TMPRSS2: variants seen among roughly 807,000 people sequenced by gnomAD.
TMPRSS2 encodes the protein transmembrane serine protease 2, also known as transmembrane protease serine 2.
A neutral mutation model predicts 67.4 loss-of-function variants in TMPRSS2; 59 were observed. That is an observed-to-expected ratio of 0.88 (90% confidence interval 0.71 to 1.09). The LOEUF is 1.09. Among genes scored for constraint, TMPRSS2 ranks in the 50% least tolerant of loss-of-function variants. TMPRSS2 has a pLI of 0.00. For missense variants in TMPRSS2, 668 were observed against 642.7 expected (o/e 1.04, Z -0.43); for synonymous variants, 257 against 257.0 (o/e 1.00, Z 0.00).
intron 3 of TMPRSS2, among the ~76,000 whole-genome samples, chr21:41,490,207 T>TAA (rs760337568): frequency 2.9e-5 from 4 of 135,742 alleles, no homozygotes; most frequent in Admixed American, 7.4e-5. Context: ...ATGATTAATG[T>TAA]AAAAAAAAAA....
rs372804318 is a variant in TMPRSS2 at position 41,494,402 on chromosome 21, G to C, written c.192C>G (p.Val64=). 1 of 1,611,150 alleles carries C rather than the reference G, an allele frequency of 6.2e-7. No homozygotes were observed. The highest frequency in any genetic ancestry group is 1.7e-4 in the Middle Eastern group (1 of 6,040). Residue 64 remains valine, a synonymous_variant, in exon 3 of 14, where the codon GTC becomes GTG. Transcript: ENST00000332149. ...PRVLTQASNP[V]VCTQPKSPSG... is the part of the protein sequence containing the mutation. ...ATGGGGATTTGGGCTGCGTGCAGAC[G>C]ACGGGGTTGGAAGCCTGCGTCAGGA...
intron 1 of TMPRSS2, among the ~76,000 whole-genome samples, chr21:41,505,357 T>A (rs1048764639): frequency 6.6e-6 from 1 of 152,158 alleles, no homozygotes; most frequent in African/African-American, 2.4e-5. Flanking sequence ...CAGATTCAGG[T>A]GGAAAAGGGT....
At position 41,467,831 on chromosome 21, in the gene TMPRSS2, C is replaced by A. The variant is rs1205064453; in HGVS notation, c.1370G>T (p.Gly457Val). ...ACAGCCAGAACCCCAGCTTGTATCC[C>A]CTATCAGCCACCAGATATTGTTCTT... ...TSKNNIWWLI[G>V]DTSWGSGCAK... is the part of the protein sequence containing the mutation. The change falls in exon 13 of 14, where the codon GGG (glycine) becomes GTG (valine). Residue 457 changes from glycine (G) to valine (V), a missense_variant. Gly to Val is a moderately radical substitution (Grantham distance 109, BLOSUM62 -3). Coordinates refer to ENST00000332149, the MANE Select transcript of TMPRSS2 (RefSeq NM_005656.4). 1 of 1,614,218 alleles carries A rather than the reference C, an allele frequency of 6.2e-7. No homozygotes were observed. The highest frequency in any genetic ancestry group is 1.7e-5 in the Admixed American group (1 of 60,028).
At chr21:41,480,714 C>G in intron 5 of TMPRSS2, 112 bp from the exon 6 acceptor site, 1 of 1,444,686 alleles carries the variant, frequency 6.9e-7, no homozygotes, top group East Asian at 2.5e-5. Flanking sequence ...TCTCCACTCA[C>G]TGCAGCCTCC....
rs1220981744 is a variant in TMPRSS2, at chr21:41,507,834, G to C, written c.-57+247C>G. The C allele has an allele frequency of 2.4e-5, 29 of 1,192,626 alleles. 2 individuals are homozygous for C. In the South Asian group the frequency reaches 4.4e-4, roughly 18 times the overall value. 73.9% of individuals were successfully genotyped at this position (1,192,626 alleles called of 1,614,324 possible). The stretch of plus-strand genomic sequence containing the variant: ...CAACCTCGCGATGCCAAGCCAACAG[G>C]GGCGGCGAGGGCTCTCGGCCGTGCG... On this transcript the variant is annotated intron_variant, in intron 1 of 13. Transcript: ENST00000332149.
rs1030051488 is a variant in TMPRSS2 at position 41,468,014 on chromosome 21, G to A, written c.1315-128C>T. On this transcript the variant is annotated intron_variant, in intron 12 of 13. Coordinates refer to ENST00000332149, the MANE Select transcript of TMPRSS2 (RefSeq NM_005656.4). ...AGTTACGAGTGACTGTGTGGGCTTC[G>A]AATCTCCACCATCAAGGGGTGATGG... 23 of 967,070 alleles carry A rather than the reference G, an allele frequency of 2.4e-5. 1 individual carries two copies. The highest frequency in any genetic ancestry group is 1.2e-4 in the South Asian group (8 of 64,352). The allele number at this position is 967,070 out of a possible 1,614,324, so 59.9% of individuals were successfully genotyped here.
intron 2 of TMPRSS2, among the ~76,000 whole-genome samples, chr21:41,497,505 C>T (rs1601588977): frequency 6.6e-6 from 1 of 152,294 alleles, no homozygotes; most frequent in African/African-American, 2.4e-5. Flanking sequence ...TGAAATTAAA[C>T]ACAGACCCAG....
At chr21:41,475,340 T>G (rs1352488254) in intron 8 of TMPRSS2, among the ~76,000 whole-genome samples, 3 of 1,920 alleles carry the variant, frequency 1.6e-3, no homozygotes, top group Non-Finnish European at 1.9e-3. Context: ...GAGGTGAAGG[T>G]GTGAGTGAGG....
At chr21:41,488,846 C>A (rs751953592) in intron 4 of TMPRSS2, among the ~76,000 whole-genome samples, 11 of 152,120 alleles carry the variant, frequency 7.2e-5, no homozygotes, top group Non-Finnish European at 1.5e-4. Context: ...ACATGTTGGC[C>A]AGGCTTGTGG....
chr21:41,470,927 C>A (rs465576), intron 10 of TMPRSS2, among the ~76,000 whole-genome samples, 184 bp from the exon 11 acceptor site: 139,527 of 152,196 alleles, frequency 0.92, 64,636 homozygotes, highest in Non-Finnish European at 0.99. Flanking sequence ...GCAGGCAAGA[C>A]GTTATGCTAC....
In TMPRSS2 at chr21:41,470,729, C is replaced by A. The variant is rs1430677365; in HGVS notation, c.1090G>T (p.Val364Leu). Reference protein sequence around the residue: ...PLTFNDLVKPVCLPNPGMMLQ... With the variant: ...PLTFNDLVKPLCLPNPGMMLQ... ...ATCATGCCTGGGTTGGGCAGACACA[C>A]TGGTTTCACTAGGTCTGTTTCAAGA... Residue 364 changes from valine (V) to leucine (L), a missense_variant, in exon 11 of 14, where the codon GTG (valine) becomes TTG (leucine). By Grantham distance (32) the Val-to-Leu change is conservative (BLOSUM62 1). Transcript: ENST00000332149. 1 of 1,613,326 alleles carries A rather than the reference C, an allele frequency of 6.2e-7. No homozygotes were observed. Among genetic ancestry groups the A allele is most frequent in the African/African-American group, 1.3e-5 (1 of 74,916 alleles).
intron 11 of TMPRSS2, among the ~76,000 whole-genome samples, chr21:41,469,388 A>G (rs1373310378): frequency 6.6e-6 from 1 of 151,554 alleles, no homozygotes; most frequent in Non-Finnish European, 1.5e-5. Flanking sequence ...GTCTCCATCC[A>G]TTCATCCCCA....
At chr21:41,483,936 C>A (rs1466752430) in intron 5 of TMPRSS2, among the ~76,000 whole-genome samples, 2 of 151,888 alleles carry the variant, frequency 1.3e-5, no homozygotes, top group Non-Finnish European at 2.9e-5. Flanking sequence ...CGAGACCAAC[C>A]CCATCTCCAC....
chr21:41,501,975 C>T (rs956957852), intron 1 of TMPRSS2, among the ~76,000 whole-genome samples: 2 of 152,222 alleles, frequency 1.3e-5, no homozygotes, highest in Non-Finnish European at 2.9e-5. Flanking sequence ...TGTGAAAGAG[C>T]AACAGTGGGT....
intron 5 of TMPRSS2, among the ~76,000 whole-genome samples, chr21:41,481,101 GA>G (rs1179181803): frequency 6.6e-6 from 1 of 152,208 alleles, no homozygotes; most frequent in Admixed American, 6.5e-5. Context: ...CAAGAGAATT[GA>G]AAACAGGCAT....
At chr21:41,476,787 A>T (rs2091217270) in intron 7 of TMPRSS2, among the ~76,000 whole-genome samples, 167 bp from the exon 8 acceptor site, 1 of 152,208 alleles carries the variant, frequency 6.6e-6, no homozygotes, top group East Asian at 1.9e-4. Context: ...ATATAGGGAC[A>T]GTGGCAAAGA....
intron 9 of TMPRSS2, 73 bp downstream of exon 9, chr21:41,473,252 A>G (rs2091150543): frequency 1.4e-6 from 2 of 1,471,288 alleles, no homozygotes; most frequent in South Asian, 2.6e-5. Flanking sequence ...AAGGGTTGAG[A>G]CCTGCTCAAG....
intron 5 of TMPRSS2, among the ~76,000 whole-genome samples, chr21:41,482,411 A>C (rs976502261): frequency 6.6e-6 from 1 of 152,200 alleles, no homozygotes; most frequent in Non-Finnish European, 1.5e-5. Flanking sequence ...GCGCTGTGGG[A>C]AAGAGAGCAA....
chr21:41,470,259 C>T (rs2091120241), intron 11 of TMPRSS2, among the ~76,000 whole-genome samples: 1 of 152,126 alleles, frequency 6.6e-6, no homozygotes. Flanking sequence ...TTAGATGTGG[C>T]CACCATGGGT....
Sources: allele counts gnomAD v4.1 joint callset (sites outside exome capture counted in the v4.1 genomes callset), GRCh38; gene constraint gnomAD v4.1.1; transcripts MANE v1.5; gene names NCBI Gene and HGNC (gene_info 2026-07-23, HGNC 2026-07-21).